The following ABHD17C variants were observed in gnomAD, a reference collection of about 807,000 sequenced individuals.
ABHD17C encodes the protein alpha/beta hydrolase domain-containing protein 17C.
A neutral mutation model predicts 27.9 loss-of-function variants in ABHD17C; 11 were observed. That is an observed-to-expected ratio of 0.39 (90% confidence interval 0.25 to 0.65). The LOEUF is 0.65. Ranked by LOEUF, ABHD17C falls within the 30% of genes least tolerant of loss-of-function variation. The pLI, the probability that ABHD17C is intolerant of heterozygous loss-of-function variation, is 0.45. For synonymous variants in ABHD17C, 233 were observed against 209.1 expected (o/e 1.11, Z -0.98); for missense variants, 280 against 470.2 (o/e 0.60, Z 3.74).
chr15:80,747,653 A>G (rs1415399959), intron 1 of ABHD17C, among the ~76,000 whole-genome samples: 1 of 152,162 alleles, frequency 6.6e-6, no homozygotes, highest in African/African-American at 2.4e-5. Context: ...TGTTACGCCA[A>G]CGGGAATGAA....
chr15:80,740,975 G>A (rs1004420457), intron 1 of ABHD17C, among the ~76,000 whole-genome samples: 1 of 152,184 alleles, frequency 6.6e-6, no homozygotes, highest in Admixed American at 6.5e-5. Context: ...CACGTGTTTA[G>A]TGGACATGGA....
intron 1 of ABHD17C, among the ~76,000 whole-genome samples, chr15:80,718,343 A>T (rs1470405840): frequency 2.0e-5 from 3 of 150,954 alleles, no homozygotes; most frequent in East Asian, 3.9e-4. Flanking sequence ...TTATTTATTT[A>T]TTTTTTTGAA....
At chr15:80,709,655 G>A (rs1250835726) in intron 1 of ABHD17C, among the ~76,000 whole-genome samples, 1 of 152,066 alleles carries the variant, frequency 6.6e-6, no homozygotes, top group Non-Finnish European at 1.5e-5. Flanking sequence ...ATCCTGGGCT[G>A]TTGAGAGCCT....
At chr15:80,751,906 A>T (rs1332058796) in intron 2 of ABHD17C, among the ~76,000 whole-genome samples, 1 of 152,258 alleles carries the variant, frequency 6.6e-6, no homozygotes, top group Non-Finnish European at 1.5e-5. Flanking sequence ...ACATTTTCTT[A>T]ATATGTCCGT....
intron 1 of ABHD17C, among the ~76,000 whole-genome samples, chr15:80,727,564 T>C (rs967839): frequency 0.82 from 124,245 of 151,966 alleles, 51,217 homozygotes; most frequent in African/African-American, 0.92. Flanking sequence ...GACAATTTCC[T>C]AGAGGTAACT....
chr15:80,729,825 A>G (rs1179893211), intron 1 of ABHD17C, among the ~76,000 whole-genome samples: 1 of 152,222 alleles, frequency 6.6e-6, no homozygotes, highest in Non-Finnish European at 1.5e-5. Flanking sequence ...AGAGGAGAGA[A>G]CTCAGGCCGG....
At chr15:80,736,845 G>GA (rs1330604280) in intron 1 of ABHD17C, among the ~76,000 whole-genome samples, 10 of 152,258 alleles carry the variant, frequency 6.6e-5, no homozygotes, top group African/African-American at 2.4e-4. Flanking sequence ...GTTGTAGAAG[G>GA]AAAAGCAAGC....
In ABHD17C at chr15:80,696,075, G is replaced by T. The variant is rs1438846687; in HGVS notation, c.590+56G>T. ...TCCAGCTGTGGGGAGGCGGGGTGGG[G>T]GTCTCTTGGGGCCCCTGGGGCGGCC... On this transcript the variant is annotated intron_variant, in intron 1 of 2. Coordinates refer to ENST00000258884, the MANE Select transcript of ABHD17C (RefSeq NM_021214.2). The T allele has an allele frequency of 2.8e-5, 41 of 1,481,668 alleles. No individual in the cohort carries two copies. The East Asian group carries it at 8.9e-4, about 32-fold the overall frequency. The allele number at this position is 1,481,668 out of a possible 1,614,324, so 91.8% of individuals were successfully genotyped here.
Position 80,695,950 on chromosome 15 carries a change from G to A in ABHD17C, c.521G>A (p.Ser174Asn). The change falls in exon 1 of 3, where the codon AGC (serine) becomes AAC (asparagine). Residue 174 changes from serine (S) to asparagine (N), a missense_variant. Around this residue, in one of 2 missense-constraint regions of ABHD17C, gnomAD observed 206 missense variants for 394.7 expected, o/e 0.52. Coordinates refer to ENST00000258884, the MANE Select transcript of ABHD17C (RefSeq NM_021214.2). This position sits in a 1 kb window ranked among gnomAD's most constrained non-coding sequence, Gnocchi z 4.3. ...TACGACTACTCGGGATACGGCGTCA[G>A]CTCGGGCAAGCCCTCCGAGAAGAAC... ...FSYDYSGYGV[S>N]SGKPSEKNLY... 2 of 1,594,878 alleles carry A rather than the reference G, an allele frequency of 1.3e-6. No individual in the cohort carries two copies. The highest frequency in any genetic ancestry group is 1.7e-6 in the Non-Finnish European group (2 of 1,178,214).
intron 1 of ABHD17C, among the ~76,000 whole-genome samples, chr15:80,701,558 AAT>A (rs1894572266): frequency 6.6e-6 from 1 of 151,818 alleles, no homozygotes; most frequent in Non-Finnish European, 1.5e-5. Flanking sequence ...AGGCACCTAT[AAT>A]CCCACCTACT....
intron 1 of ABHD17C, among the ~76,000 whole-genome samples, chr15:80,707,166 A>C (rs373819875): frequency 4.1e-4 from 63 of 152,358 alleles, no homozygotes; most frequent in African/African-American, 1.3e-3. Flanking sequence ...CAGAATACCC[A>C]GTATCCCAAT....
intron 1 of ABHD17C, among the ~76,000 whole-genome samples, chr15:80,709,977 A>G (rs540844152): frequency 6.6e-6 from 1 of 152,318 alleles, no homozygotes; most frequent in Non-Finnish European, 1.5e-5. Context: ...AGTAATCATA[A>G]TGAGTATGTG....
intron 1 of ABHD17C, among the ~76,000 whole-genome samples, chr15:80,748,753 C>T (rs1256472079): frequency 6.7e-6 from 1 of 149,264 alleles, no homozygotes; most frequent in Non-Finnish European, 1.5e-5. Context: ...CTTGCCACCA[C>T]CAGGAAGGCG....
In ABHD17C at chr15:80,742,337, CG is replaced by C. The variant is rs568952919; in HGVS notation, c.591-7170del. On this transcript the variant is annotated intron_variant, in intron 1 of 2. Transcript: ENST00000258884. ...GAGGCCAAAGGCCTGAGAATCTTGC[CG>C]GGGGGTGAAAGTGGGCAGGGGAAGG... is the stretch of plus-strand genomic sequence containing the variant. Among the ~76,000 whole-genome samples the C allele has an allele frequency of 4.5e-3, 691 of 152,154 alleles. 5 individuals carry two copies. Among genetic ancestry groups the C allele is most frequent in the African/African-American group, 0.015 (632 of 41,500 alleles).
chr15:80,733,370 C>T (rs1283924009), intron 1 of ABHD17C, among the ~76,000 whole-genome samples: 1 of 152,128 alleles, frequency 6.6e-6, no homozygotes, highest in Non-Finnish European at 1.5e-5. Context: ...TTGTGTAATT[C>T]TCAAGGAGGC....
chr15:80,747,352 C>T (rs1895302647), intron 1 of ABHD17C, among the ~76,000 whole-genome samples: 1 of 152,070 alleles, frequency 6.6e-6, no homozygotes, highest in Admixed American at 6.5e-5. Context: ...CCAAAGACTC[C>T]CTGGACTTGA....
intron 1 of ABHD17C, among the ~76,000 whole-genome samples, chr15:80,724,069 G>A (rs575439012): frequency 2.0e-5 from 3 of 151,954 alleles, no homozygotes; most frequent in Non-Finnish European, 4.4e-5. Flanking sequence ...TGGGTGTGGT[G>A]GTGGACACCT....
chr15:80,713,942 A>G (rs982866131), intron 1 of ABHD17C, among the ~76,000 whole-genome samples: 2 of 126,768 alleles, frequency 1.6e-5, no homozygotes, highest in African/African-American at 2.6e-5. Flanking sequence ...ACACACACAT[A>G]TATTTATTTA....
chr15:80,734,897 A>G (rs375867496), intron 1 of ABHD17C, among the ~76,000 whole-genome samples: 1 of 152,224 alleles, frequency 6.6e-6, no homozygotes, highest in Non-Finnish European at 1.5e-5. Context: ...GAAAGGCTAC[A>G]TTGATTAGCA....
Sources: gnomAD v4.1 joint callset for allele counts (sites outside exome capture counted in the v4.1 genomes callset) on GRCh38, gnomAD v4.1.1 for gene constraint, gnomAD v4.1.1 regional missense constraint, Gnocchi (gnomAD v3.1) non-coding constraint, MANE v1.5 for transcripts, NCBI Gene and HGNC (gene_info 2026-07-23, HGNC 2026-07-21) for gene names.